The following SULF1 variants were observed in gnomAD, a reference collection of about 807,000 sequenced individuals.
SULF1 encodes the protein sulfatase 1.
Under a neutral mutation model 110.5 loss-of-function variants are expected in SULF1, and 46 were observed. The ratio of observed to expected loss-of-function variants is 0.42; its 90% confidence interval spans 0.33 to 0.53. The LOEUF (loss-of-function observed/expected upper bound fraction) is 0.53, where lower values mean the gene tolerates loss of function less well. Ranked by LOEUF, SULF1 falls within the 20% of genes least tolerant of loss-of-function variation. The pLI, the probability that SULF1 is intolerant of heterozygous loss-of-function variation, is 0.12. For synonymous variants in SULF1, 371 were observed against 387.1 expected (o/e 0.96, Z 0.49); for missense variants, 941 against 1,094.2 (o/e 0.86, Z 1.98).
chr8:69,517,106 G>T (rs1811978230), intron 3 of SULF1, among the ~76,000 whole-genome samples: 1 of 152,192 alleles, frequency 6.6e-6, no homozygotes, highest in Non-Finnish European at 1.5e-5. Context: ...CAAGAGCATG[G>T]TGCCAGCATC....
At chr8:69,534,101 T>C (rs1001295919) in intron 3 of SULF1, among the ~76,000 whole-genome samples, 2 of 152,188 alleles carry the variant, frequency 1.3e-5, no homozygotes, top group Non-Finnish European at 2.9e-5. Context: ...AATGACTTCA[T>C]TGAGAGTAAC....
intron 1 of SULF1, among the ~76,000 whole-genome samples, chr8:69,474,621 A>C (rs1809226990): frequency 1.3e-5 from 2 of 152,204 alleles, no homozygotes; most frequent in African/African-American, 2.4e-5. Context: ...ATAACAGATA[A>C]ATAAAAGCAT....
intron 3 of SULF1, among the ~76,000 whole-genome samples, chr8:69,550,142 T>C (rs75038994): frequency 7.4e-4 from 112 of 151,596 alleles, no homozygotes; most frequent in African/African-American, 2.6e-3. Context: ...AGAGTGTAAA[T>C]GCACTTCAAG....
chr8:69,495,127 T>A (rs1204122649), intron 1 of SULF1, among the ~76,000 whole-genome samples: 1 of 152,198 alleles, frequency 6.6e-6, no homozygotes, highest in Admixed American at 6.5e-5. Flanking sequence ...TACTGGTTTA[T>A]GAAGAAAATT....
At chr8:69,626,648 C>T (rs1810068921) in intron 15 of SULF1, among the ~76,000 whole-genome samples, 1 of 152,218 alleles carries the variant, frequency 6.6e-6, no homozygotes, top group Admixed American at 6.5e-5. Flanking sequence ...AGCTAAGGCC[C>T]GGTGAGAAAT....
At chr8:69,577,981 C>T (rs1423987303) in intron 6 of SULF1, among the ~76,000 whole-genome samples, 1 of 152,032 alleles carries the variant, frequency 6.6e-6, no homozygotes, top group Non-Finnish European at 1.5e-5. Flanking sequence ...CAAACAGAAA[C>T]AAAGAGTAGG....
intron 3 of SULF1, among the ~76,000 whole-genome samples, chr8:69,560,801 G>C (rs1815429600): frequency 6.6e-6 from 1 of 152,158 alleles, no homozygotes; most frequent in Non-Finnish European, 1.5e-5. Flanking sequence ...GGTCATTTTT[G>C]AATAAAGAAT....
upstream of SULF1, among the ~76,000 whole-genome samples, chr8:69,489,753 T>C (rs1809849672): frequency 1.3e-5 from 2 of 151,792 alleles, no homozygotes. Flanking sequence ...ATTTCTTGTA[T>C]TTTCAGTAGA....
intron 3 of SULF1, among the ~76,000 whole-genome samples, chr8:69,505,685 A>G (rs1256536584): frequency 2.0e-5 from 3 of 152,160 alleles, no homozygotes; most frequent in Non-Finnish European, 2.9e-5. Context: ...CTTTAAGTGC[A>G]TATTGGATAC....
chr8:69,595,460 T>A (rs1278422139), intron 8 of SULF1, among the ~76,000 whole-genome samples: 1 of 152,260 alleles, frequency 6.6e-6, no homozygotes, highest in Non-Finnish European at 1.5e-5. Flanking sequence ...TATGTTCAAA[T>A]GTTACCTATC....
intron 13 of SULF1, among the ~76,000 whole-genome samples, chr8:69,605,970 G>A (rs1233741272): frequency 6.6e-6 from 1 of 152,216 alleles, no homozygotes; most frequent in Non-Finnish European, 1.5e-5. Context: ...ATAACCAGGT[G>A]AAGAGAAGTT....
chr8:69,492,487 G>A (rs1809991807), upstream of SULF1, among the ~76,000 whole-genome samples: 1 of 152,176 alleles, frequency 6.6e-6, no homozygotes, highest in African/African-American at 2.4e-5. Flanking sequence ...GGAACGCCTG[G>A]CTTTCCAAAT....
intron 3 of SULF1, among the ~76,000 whole-genome samples, chr8:69,534,330 A>C (rs768151806): frequency 5.9e-5 from 9 of 152,240 alleles, no homozygotes; most frequent in Non-Finnish European, 1.0e-4. Context: ...GTTCTTTAAG[A>C]AATTCTTTCA....
chr8:69,516,132 A>G (rs1278885693), intron 3 of SULF1, among the ~76,000 whole-genome samples: 1 of 152,156 alleles, frequency 6.6e-6, no homozygotes, highest in African/African-American at 2.4e-5. Flanking sequence ...GCCATGCCCC[A>G]CTTCTCTGAT....
intron 9 of SULF1, 49 bp from the exon 10 acceptor site, chr8:69,601,605 T>G: frequency 1.3e-6 from 2 of 1,521,296 alleles, no homozygotes; most frequent in Non-Finnish European, 1.8e-6. Context: ...TTGAGCATCA[T>G]CTTATACCAG....
chr8:69,557,646 T>A (rs1176869427), intron 3 of SULF1, among the ~76,000 whole-genome samples: 1 of 152,196 alleles, frequency 6.6e-6, no homozygotes, highest in East Asian at 1.9e-4. Flanking sequence ...ATGCAACAGA[T>A]TATTGAAAAA....
At chr8:69,563,492 A>C (rs1815655819) in intron 3 of SULF1, 47 bp from the exon 4 acceptor site, 1 of 155,348 alleles carries the variant, frequency 6.4e-6, no homozygotes, top group Non-Finnish European at 1.4e-5. Context: ...TCTGTTTTTA[A>C]AATCATTGAC....
chr8:69,542,471 T>C (rs1813925726), intron 3 of SULF1, among the ~76,000 whole-genome samples: 1 of 151,966 alleles, frequency 6.6e-6, no homozygotes, highest in African/African-American at 2.4e-5. Flanking sequence ...ATGGCTTCCT[T>C]CTCCACTTTG....
intron 19 of SULF1, among the ~76,000 whole-genome samples, chr8:69,637,034 A>C (rs1402402250): frequency 1.3e-5 from 2 of 152,176 alleles, no homozygotes; most frequent in Non-Finnish European, 2.9e-5. Flanking sequence ...TGATTAAGAA[A>C]TGGTTCGTTG....
Sources: allele counts gnomAD v4.1 joint callset (sites outside exome capture counted in the v4.1 genomes callset), GRCh38; gene constraint gnomAD v4.1.1; transcripts MANE v1.5; gene names NCBI Gene and HGNC (gene_info 2026-07-23, HGNC 2026-07-21).